Variants in TTN observed in about 807,000 individuals in gnomAD.
The protein encoded by TTN is connectin.
Under a neutral mutation model 3,223.0 loss-of-function variants are expected in TTN, and 1,525 were observed. The ratio of observed to expected loss-of-function variants is 0.47; its 90% CI spans 0.45 to 0.49. TTN has a LOEUF of 0.49. Among genes scored for constraint, TTN ranks in the 20% least tolerant of loss-of-function variants. TTN has a pLI of 0.00. For synonymous variants in TTN, 14,094 were observed against 15,161.0 expected (o/e 0.93, Z 5.17); for missense variants, 40,786 against 43,424.0 (o/e 0.94, Z 5.40).
At chr2:178,632,106 T>G in intron 236 of TTN, 41 bp downstream of exon 236, 1 of 1,509,544 alleles carries the variant, frequency 6.6e-7, no homozygotes, top group Non-Finnish European at 8.9e-7. Context: ...AAATTTCTGT[T>G]GAATTTAATG....
chr2:178,546,965 A>G lies in TTN; in HGVS notation c.94522+38T>C, dbSNP rs1284943401. ...CACTCTGAGTTCTACTAGAATCAGT[A>G]ATAATAAACAAATATGCCCTTAAAT... On this transcript the variant is annotated intron_variant, in intron 340 of 362. Coordinates refer to ENST00000589042, the MANE Select transcript of TTN (RefSeq NM_001267550.2). 7.6e-6 allele frequency: 12 copies of G among 1,587,454 alleles called. No homozygotes were observed. The African/African-American group carries it at 1.5e-4, about 20-fold the overall frequency.
chr2:178,547,630 T>C lies in TTN; in HGVS notation c.93996A>G (p.Glu31332=), dbSNP rs1697767290. 1.2e-6 allele frequency: 2 copies of C among 1,613,874 alleles called. No homozygotes were observed. Among genetic ancestry groups the C allele is most frequent in the East Asian group, 4.5e-5 (2 of 44,856 alleles). ...SAESCVLSWG[E]PKDGGGTEIT... is the part of the protein sequence containing the mutation. ...TTTCAGTGCCTCCTCCATCTTTAGG[T>C]TCTCCCCATGACAGGACACACGATT... Residue 31332 remains glutamate (E), a synonymous_variant, in exon 339 of 363, where the codon GAA becomes GAG. Coordinates refer to ENST00000589042, the MANE Select transcript of TTN (RefSeq NM_001267550.2).
chr2:178,766,174 T>C (rs1395942635), intron 41 of TTN, among the ~76,000 whole-genome samples: 2 of 152,180 alleles, frequency 1.3e-5, no homozygotes, highest in African/African-American at 4.8e-5. Flanking sequence ...GGCCATCAGG[T>C]GCTTTCTGAA....
intron 243 of TTN, among the ~76,000 whole-genome samples, chr2:178,622,251 GT>G (rs2058410316): frequency 6.6e-6 from 1 of 151,934 alleles, no homozygotes; most frequent in African/African-American, 2.4e-5. Context: ...GATCATATAA[GT>G]TTAGAGCTAT....
Position 178,675,359 on chromosome 2 carries a change from CT to C in TTN, c.34538-247del, listed in dbSNP as rs563332904. On this transcript the variant is annotated intron_variant, in intron 149 of 362. Coordinates refer to ENST00000589042, the MANE Select transcript of TTN (RefSeq NM_001267550.2). Reference sequence around the variant, plus strand: ...AGCCTCTATTTCTTTTTTCTTTTGTCTTTTTTTTTTTTGTAGGAAGAAATGG... The same window carrying C: ...AGCCTCTATTTCTTTTTTCTTTTGTCTTTTTTTTTTTGTAGGAAGAAATGG... 0.14 allele frequency: 42,388 copies of C among 309,524 alleles called. 104 individuals are homozygous for C. Among genetic ancestry groups the C allele is most frequent in the Middle Eastern group, 0.18 (208 of 1,148 alleles). 19.2% of individuals were successfully genotyped at this position (309,524 alleles called of 1,614,324 possible). A position where few individuals can be genotyped will look rare whatever the true frequency, so the allele number is the denominator to read the frequency against.
In TTN at chr2:178,581,911, G is replaced by A; in HGVS notation, c.66458C>T (p.Pro22153Leu). Residue 22153 changes from proline (P) to leucine (L), a missense_variant, in exon 315 of 363, where the codon CCT becomes CTT. By Grantham distance (98) the Pro-to-Leu change is moderately conservative. Transcript: ENST00000589042. Reference protein sequence around the residue: ...DASKAAYARDPQYPPGPPAFP... With the variant: ...DASKAAYARDLQYPPGPPAFP... ...ACTCGTTCATGAACACTTACACTGA[G>A]GGTCCCGAGCATAAGCGGCCTTGGA... The A allele has an allele frequency of 6.2e-7, 1 of 1,613,016 alleles. No homozygotes were observed. The highest frequency in any genetic ancestry group is 8.5e-7 in the Non-Finnish European group (1 of 1,179,404).
At chr2:178,528,183 G>C (rs1258767410) in intron 361 of TTN, 91 bp downstream of exon 361, 6 of 1,392,880 alleles carry the variant, frequency 4.3e-6, no homozygotes, top group Admixed American at 4.8e-5. Context: ...ATTTAATAAG[G>C]CTTCTTAGAG....
rs2060141864 is a variant in TTN at position 178,634,205 on chromosome 2, T to G, written c.42416-122A>C. Reference sequence around the variant, plus strand: ...GCACTTATTTATTCATCTTTCCAAATAGAGCTCCACTAAAAACAAATTAAG... The same window carrying G: ...GCACTTATTTATTCATCTTTCCAAAGAGAGCTCCACTAAAAACAAATTAAG... On this transcript the variant is annotated intron_variant, in intron 230 of 362. Coordinates refer to ENST00000589042, the MANE Select transcript of TTN (RefSeq NM_001267550.2). The surrounding 1 kb of genome is among the most constrained non-coding windows in gnomAD (Gnocchi z 4.6). The G allele has an allele frequency of 4.0e-6, 6 of 1,491,294 alleles. No homozygotes were observed. The East Asian group carries it at 1.4e-4, about 36-fold the overall frequency. The allele number at this position is 1,491,294 out of a possible 1,614,324, so 92.4% of individuals were successfully genotyped here. A position where few individuals can be genotyped will look rare whatever the true frequency, so the allele number is the denominator to read the frequency against.
chr2:178,551,893 A>G lies in TTN; in HGVS notation c.91007T>C (p.Val30336Ala). The change falls in exon 335 of 363, where the codon GTG (valine) becomes GCG (alanine). Residue 30336 changes from valine (V) to alanine (A), a missense_variant. Val to Ala is a moderately conservative substitution (Grantham distance 64, BLOSUM62 0). Transcript: ENST00000589042. ...GPPGKPVIYN[V>A]TSDGMSLTWD... The stretch of plus-strand genomic sequence containing the variant: ...AGTTAGTGACATGCCATCAGAAGTC[A>G]CATTGTATATAACTGGCTTTCCTGG... 1 of 1,613,902 alleles carries G rather than the reference A, an allele frequency of 6.2e-7. No homozygotes were observed. Among genetic ancestry groups the G allele is most frequent in the Non-Finnish European group, 8.5e-7 (1 of 1,179,810 alleles).
At position 178,531,602 on chromosome 2, in the gene TTN, G is replaced by A. The variant is rs116876353; in HGVS notation, c.105013C>T (p.His35005Tyr). 6.2e-7 allele frequency: 1 copy of A among 1,613,986 alleles called. No homozygotes were observed. Among genetic ancestry groups the A allele is most frequent in the East Asian group, 2.2e-5 (1 of 44,882 alleles). ...CGGTAGGTTCCACTGTCATCAGTAT[G>A]ACAGTCCAGAATTTCCAGGGTGAGG... ...GVLTLEILDC[H>Y]TDDSGTYRAV... Residue 35005 changes from histidine (H) to tyrosine (Y), a missense_variant, in exon 358 of 363, where the codon CAT becomes TAT. Coordinates refer to ENST00000589042, the MANE Select transcript of TTN (RefSeq NM_001267550.2).
chr2:178,795,932 C>T (rs1035892089), intron 6 of TTN, among the ~76,000 whole-genome samples: 7 of 152,256 alleles, frequency 4.6e-5, no homozygotes, highest in South Asian at 2.1e-4. Flanking sequence ...TTACACTCGC[C>T]CCCCTTGTAT....
In TTN at chr2:178,633,426, A is replaced by G. The variant is rs148528251; in HGVS notation, c.42933T>C (p.Asn14311=). Reference sequence around the variant, plus strand: ...TGAGCAACTCACCCTCAACAGTAACATTTGCCTTGGTCTTGTCTGTGCCAC... The same window carrying G: ...TGAGCAACTCACCCTCAACAGTAACGTTTGCCTTGGTCTTGTCTGTGCCAC... ...CDCGTDKTKA[N]VTVEARLIKV... Residue 14311 remains asparagine, a synonymous_variant, in exon 232 of 363, where the codon AAT becomes AAC. Coordinates refer to ENST00000589042, the MANE Select transcript of TTN (RefSeq NM_001267550.2). 295 of 1,613,372 alleles carry G rather than the reference A, an allele frequency of 1.8e-4. 3 individuals are homozygous for G. In the East Asian group the frequency reaches 6.4e-3, roughly 35 times the overall value.
rs72648933 is a variant in TTN, at chr2:178,733,504, G to A, written c.15789C>T (p.Ile5263=). ...CCTGGATCAGTTCTGCTCGCTCAAT[G>A]ATTTTGGCAGGTTCTACAATGGTAT... ...GELIVKEPAK[I]IERAELIQVT... is the part of the protein sequence containing the mutation. Residue 5263 remains isoleucine, a synonymous_variant, in exon 54 of 363, where the codon ATC becomes ATT. Coordinates refer to ENST00000589042, the MANE Select transcript of TTN (RefSeq NM_001267550.2). 1 of 1,610,282 alleles carries A rather than the reference G, an allele frequency of 6.2e-7. No individual in the cohort carries two copies. The highest frequency in any genetic ancestry group is 8.5e-7 in the Non-Finnish European group (1 of 1,177,320).
intron 47 of TTN, chr2:178,750,904 A>G (rs749267102): frequency 6.2e-7 from 1 of 1,612,564 alleles, no homozygotes; most frequent in Non-Finnish European, 8.5e-7. Context: ...TTGCTTGGGT[A>G]TTTTCATTTA....
Position 178,536,459 on chromosome 2 carries a change from C to T in TTN, c.100288G>A (p.Glu33430Lys). 1 of 1,606,278 alleles carries T rather than the reference C, an allele frequency of 6.2e-7. No homozygotes were observed. Among genetic ancestry groups the T allele is most frequent in the South Asian group, 1.1e-5 (1 of 89,860 alleles). ...TTATTCTGCTTCTTCTCACGCTTCTCAAGGTAGTAATTTCTAATCTTTGCA... is the reference window on the plus strand; with the variant it reads ...TTATTCTGCTTCTTCTCACGCTTCTTAAGGTAGTAATTTCTAATCTTTGCA... ...GGAKIRNYYLEKREKKQNKWI... is the reference protein window; with the variant it reads ...GGAKIRNYYLKKREKKQNKWI... The change falls in exon 357 of 363, where the codon GAG (glutamate) becomes AAG (lysine). Residue 33430 changes from glutamate to lysine, a missense_variant. Coordinates refer to ENST00000589042, the MANE Select transcript of TTN (RefSeq NM_001267550.2).
Position 178,662,352 on chromosome 2 carries a change from G to A in TTN, c.37025C>T (p.Ala12342Val). 6.7e-7 allele frequency: 1 copy of A among 1,487,868 alleles called. No individual in the cohort carries two copies. Among genetic ancestry groups the A allele is most frequent in the African/African-American group, 1.6e-5 (1 of 63,608 alleles). 92.2% of individuals were successfully genotyped at this position (1,487,868 alleles called of 1,614,324 possible). A position where few individuals can be genotyped will look rare whatever the true frequency, so the allele number is the denominator to read the frequency against. The change falls in exon 177 of 363, where the codon GCT becomes GTT. Residue 12342 changes from alanine to valine, a missense_variant. Transcript: ENST00000589042. Reference sequence around the variant, plus strand: ...CTAAAGTGTACCTGGGACAATTGGAGCTTCTGGTTTTTTGGGTGGAGCCAC... The same window carrying A: ...CTAAAGTGTACCTGGGACAATTGGAACTTCTGGTTTTTTGGGTGGAGCCAC... ...IPVAPPKKPE[A>V]PIVPVPEAQE...
rs773913717 is a variant in TTN, at chr2:178,766,640, A to G, written c.9472-28T>C. On this transcript the variant is annotated intron_variant, in intron 40 of 362. Coordinates refer to ENST00000589042, the MANE Select transcript of TTN (RefSeq NM_001267550.2). ...GTTGATGGAACAACATAAAAAAACA[A>G]CAACAACAACAAAAACTTGAAGCTC... 8 of 1,569,554 alleles carry G rather than the reference A, an allele frequency of 5.1e-6. No individual in the cohort carries two copies. The East Asian group carries it at 1.3e-4, about 26-fold the overall frequency.
At chr2:178,640,491 A>C (rs1376622766) in intron 221 of TTN, 50 bp downstream of exon 221, 14 of 1,468,364 alleles carry the variant, frequency 9.5e-6, no homozygotes, top group Non-Finnish European at 1.1e-5. Flanking sequence ...ATTTTAAATG[A>C]TACATATTTG....
Position 178,776,710 on chromosome 2 carries a change from C to A in TTN, c.5154G>T (p.Gly1718=), listed in dbSNP as rs2154346265. The stretch of plus-strand genomic sequence containing the variant: ...TTAGCCTGCATTCAAAGTGGGCAGG[C>A]CCAAAGCGCTTAAGTCTTAAGGAAG... ...KLTSLRLKRF[G]PAHFECRLTP... The change falls in exon 28 of 363, where the codon GGG becomes GGT. Residue 1718 remains glycine (G), a synonymous_variant. Transcript: ENST00000589042. The A allele has an allele frequency of 6.2e-7, 1 of 1,614,080 alleles. No homozygotes were observed. The highest frequency in any genetic ancestry group is 1.3e-5 in the African/African-American group (1 of 75,048).
Sources: gnomAD v4.1 joint callset for allele counts (sites outside exome capture counted in the v4.1 genomes callset) on GRCh38, gnomAD v4.1.1 for gene constraint, Gnocchi (gnomAD v3.1) non-coding constraint, MANE v1.5 for transcripts, NCBI Gene and HGNC (gene_info 2026-07-23, HGNC 2026-07-21) for gene names.